Variants in PPM1L observed in about 807,000 individuals in gnomAD.
PPM1L encodes protein phosphatase 1L.
PPM1L carries 13 observed loss-of-function variants against 31.4 expected under a neutral mutation model. The observed-to-expected ratio is 0.41, with a 90% CI of 0.27 to 0.66. PPM1L has a LOEUF of 0.66. PPM1L is among the 30% of genes least tolerant of loss of function. The pLI is 0.29. For synonymous variants in PPM1L, 184 were observed against 175.4 expected (o/e 1.05, Z -0.39); for missense variants, 326 against 453.7 (o/e 0.72, Z 2.56).
chr3:160,914,301 T>A (rs557800474), intron 1 of PPM1L, among the ~76,000 whole-genome samples: 5 of 152,296 alleles, frequency 3.3e-5, no homozygotes, highest in South Asian at 2.1e-4. Flanking sequence ...TTCTTTTTTT[T>A]ATTATACTTT....
chr3:160,943,959 T>A (rs983693590), intron 1 of PPM1L, among the ~76,000 whole-genome samples: 5 of 152,186 alleles, frequency 3.3e-5, no homozygotes, highest in Admixed American at 2.0e-4. Context: ...ATATTGTAGA[T>A]GGCAAAGTTT....
At chr3:160,805,265 C>G (rs75359706) in intron 1 of PPM1L, among the ~76,000 whole-genome samples, 3,312 of 152,112 alleles carry the variant, frequency 0.022, 113 homozygotes, top group African/African-American at 0.075. Context: ...TTTTTTTCTT[C>G]TATTATTGAA....
intron 1 of PPM1L, among the ~76,000 whole-genome samples, chr3:160,890,703 A>G (rs1297284624): frequency 6.6e-6 from 1 of 152,242 alleles, no homozygotes; most frequent in Non-Finnish European, 1.5e-5. Context: ...ACCTGGAGGC[A>G]TCATGCTACC....
rs558811950 is a variant in PPM1L, at chr3:161,068,636, T to C, written c.737-175T>C. On this transcript the variant is annotated intron_variant, in intron 3 of 3. Coordinates refer to ENST00000498165, the MANE Select transcript of PPM1L (RefSeq NM_139245.4). ...CCAGGATGAGGGTATGAGGATCAAC[T>C]GGTAGAGTATAAAACCCCAGGCCAT... 9.2e-5 allele frequency among the ~76,000 whole-genome samples: 14 copies of C among 152,222 alleles called. No individual in the cohort carries two copies. In the South Asian group the frequency reaches 2.5e-3, roughly 27 times the overall value.
rs898938532 is a variant in PPM1L at position 161,065,515 on chromosome 3, T to G, written c.687T>G (p.His229Gln). 2 of 1,613,972 alleles carry G rather than the reference T, an allele frequency of 1.2e-6. No homozygotes were observed. The highest frequency in any genetic ancestry group is 1.3e-5 in the African/African-American group (1 of 74,920). Residue 229 changes from histidine to glutamine, a missense_variant, in exon 3 of 4, where the codon CAT (histidine) becomes CAG (glutamine). Physicochemically the swap from His to Gln is conservative, Grantham distance 24 (BLOSUM62 0). Coordinates refer to ENST00000498165, the MANE Select transcript of PPM1L (RefSeq NM_139245.4). ...DKDGNAIPLS[H>Q]DHKPYQLKER... The stretch of plus-strand genomic sequence containing the variant: ...ATGGGAACGCTATTCCTTTGTCTCA[T>G]GATCACAAGCCTTACCAGTTGAAGG...
At chr3:160,995,778 G>A (rs945778022) in intron 2 of PPM1L, among the ~76,000 whole-genome samples, 1 of 152,190 alleles carries the variant, frequency 6.6e-6, no homozygotes, top group African/African-American at 2.4e-5. Context: ...CAAGGAGAAA[G>A]GAAAGCAAGA....
intron 1 of PPM1L, among the ~76,000 whole-genome samples, chr3:160,859,589 CT>C (rs1327179453): frequency 6.6e-6 from 1 of 152,136 alleles, no homozygotes; most frequent in East Asian, 1.9e-4. Context: ...TTGCCCACCC[CT>C]GGTCTAGCTG....
chr3:160,822,495 T>C (rs932112844), intron 1 of PPM1L, among the ~76,000 whole-genome samples: 3 of 152,116 alleles, frequency 2.0e-5, no homozygotes, highest in African/African-American at 4.8e-5. Context: ...TCCAAAATTT[T>C]GATATGTGTA....
At chr3:160,919,028 T>C (rs1714292755) in intron 1 of PPM1L, among the ~76,000 whole-genome samples, 1 of 152,216 alleles carries the variant, frequency 6.6e-6, no homozygotes, top group Non-Finnish European at 1.5e-5. Context: ...TATTTAACAC[T>C]GGGATGGTTA....
chr3:160,906,275 A>G (rs1713753722), intron 1 of PPM1L, among the ~76,000 whole-genome samples: 1 of 152,184 alleles, frequency 6.6e-6, no homozygotes, highest in Admixed American at 6.5e-5. Context: ...GCAGCTTAAA[A>G]CAGCAAATAT....
At chr3:161,053,544 C>T (rs1227150439) in intron 2 of PPM1L, among the ~76,000 whole-genome samples, 1 of 152,194 alleles carries the variant, frequency 6.6e-6, no homozygotes, top group East Asian at 1.9e-4. Flanking sequence ...ATTTTAATTT[C>T]AAAATAGTAT....
At position 160,878,844 on chromosome 3, in the gene PPM1L, A is replaced by G. The variant is rs73017425; in HGVS notation, c.400-82892A>G. 2.8e-3 allele frequency among the ~76,000 whole-genome samples: 433 copies of G among 152,334 alleles called. 1 individual carries two copies. Among genetic ancestry groups the G allele is most frequent in the African/African-American group, 0.01 (417 of 41,582 alleles). ...AGAATATCTTTGCACATTCAGTTTA[A>G]TAGGATTTCTGCTGGGTGCTAACAG... On this transcript the variant is annotated intron_variant, in intron 1 of 3. Coordinates refer to ENST00000498165, the MANE Select transcript of PPM1L (RefSeq NM_139245.4).
intron 1 of PPM1L, among the ~76,000 whole-genome samples, chr3:160,932,529 A>T (rs1714822724): frequency 6.6e-6 from 1 of 152,194 alleles, no homozygotes; most frequent in African/African-American, 2.4e-5. Context: ...AAATACATGA[A>T]GTAATCTTAT....
chr3:160,832,395 G>T (rs576911367), intron 1 of PPM1L, among the ~76,000 whole-genome samples: 1 of 152,084 alleles, frequency 6.6e-6, no homozygotes, highest in Non-Finnish European at 1.5e-5. Context: ...GACAGGCATG[G>T]AGCTGAGAGA....
chr3:160,854,406 C>A (rs1348586232), intron 1 of PPM1L, among the ~76,000 whole-genome samples: 2 of 152,032 alleles, frequency 1.3e-5, no homozygotes, highest in Non-Finnish European at 2.9e-5. Flanking sequence ...ATCTGGGTGC[C>A]ACAAAGGGCA....
intron 2 of PPM1L, among the ~76,000 whole-genome samples, chr3:161,025,746 C>T (rs1195073959): frequency 6.6e-6 from 1 of 152,128 alleles, no homozygotes; most frequent in Non-Finnish European, 1.5e-5. Context: ...TTATAAATTA[C>T]CCAGTCACTG....
At chr3:161,065,661 G>A in intron 3 of PPM1L, 97 bp downstream of exon 3, 1 of 1,091,022 alleles carries the variant, frequency 9.2e-7, no homozygotes, top group Non-Finnish European at 1.3e-6. Context: ...CAGTTATGCA[G>A]TATTAGAGAG....
chr3:160,855,955 G>C (rs902536639), intron 1 of PPM1L, among the ~76,000 whole-genome samples: 5 of 152,038 alleles, frequency 3.3e-5, no homozygotes, highest in African/African-American at 1.2e-4. Flanking sequence ...CGATCACAAA[G>C]TGAGGTCCCA....
intron 1 of PPM1L, among the ~76,000 whole-genome samples, chr3:160,851,165 T>C (rs1417249125): frequency 6.6e-6 from 1 of 152,104 alleles, no homozygotes; most frequent in Non-Finnish European, 1.5e-5. Context: ...TTAAACAGGA[T>C]TGTGGGGTGA....
Sources: allele counts gnomAD v4.1 joint callset (sites outside exome capture counted in the v4.1 genomes callset), GRCh38; gene constraint gnomAD v4.1.1; transcripts MANE v1.5; gene names NCBI Gene and HGNC (gene_info 2026-07-23, HGNC 2026-07-21).